Variants in DNAH12 observed in about 807,000 individuals in gnomAD.
DNAH12 encodes axonemal beta dynein heavy chain 12.
Under a neutral mutation model 371.5 loss-of-function variants are expected in DNAH12, and 285 were observed. The observed-to-expected ratio is 0.77, with a 90% CI of 0.70 to 0.85. The LOEUF is 0.85. Among genes scored for constraint, DNAH12 ranks in the 40% least tolerant of loss-of-function variants. DNAH12 has a pLI of 0.00. For missense variants in DNAH12, 3,611 were observed against 3,689.4 expected, an observed-to-expected ratio of 0.98 and a Z score of 0.55; for synonymous variants, 1,200 against 1,213.0, an observed-to-expected ratio of 0.99 and a Z score of 0.22.
intron 69 of DNAH12, among the ~76,000 whole-genome samples, chr3:57,302,328 G>A (rs1255828525): frequency 6.6e-6 from 1 of 151,614 alleles, no homozygotes; most frequent in Non-Finnish European, 1.5e-5. Context: ...AACACTGCAT[G>A]AAAACATAAA....
At chr3:57,369,742 ATAT>A (rs2063131023) in intron 55 of DNAH12, among the ~76,000 whole-genome samples, 1 of 152,302 alleles carries the variant, frequency 6.6e-6, no homozygotes, top group East Asian at 1.9e-4. Flanking sequence ...GTTTAAAGAG[ATAT>A]TATTTTCTTC....
At chr3:57,362,105 C>T (rs1387376323) in intron 58 of DNAH12, among the ~76,000 whole-genome samples, 2 of 150,454 alleles carry the variant, frequency 1.3e-5, no homozygotes, top group African/African-American at 4.9e-5. Flanking sequence ...TGAGTAAGAA[C>T]ATGCAGTGTT....
intron 2 of DNAH12, among the ~76,000 whole-genome samples, chr3:57,535,612 G>A (rs901208676): frequency 1.1e-4 from 17 of 151,822 alleles, no homozygotes; most frequent in Admixed American, 4.6e-4. Context: ...GCATGATCTC[G>A]GCTCACCACA....
intron 11 of DNAH12, among the ~76,000 whole-genome samples, chr3:57,497,769 T>C (rs151173133): frequency 3.3e-5 from 5 of 152,232 alleles, no homozygotes; most frequent in East Asian, 3.9e-4. Context: ...AAGAAAAAAA[T>C]TGATAGACTA....
intron 60 of DNAH12, among the ~76,000 whole-genome samples, chr3:57,347,990 A>G (rs1435620836): frequency 6.6e-6 from 1 of 152,196 alleles, no homozygotes; most frequent in Non-Finnish European, 1.5e-5. Flanking sequence ...TACTCTTACC[A>G]TACAATCCAG....
intron 66 of DNAH12, among the ~76,000 whole-genome samples, chr3:57,312,049 T>C (rs1452667680): frequency 6.6e-6 from 1 of 152,180 alleles, no homozygotes; most frequent in Admixed American, 6.5e-5. Context: ...CAGGAATTTT[T>C]GATAGTATGT....
chr3:57,377,663 C>G (rs985698444), intron 52 of DNAH12, among the ~76,000 whole-genome samples: 40 of 151,854 alleles, frequency 2.6e-4, no homozygotes, highest in Non-Finnish European at 5.2e-4. Flanking sequence ...TTACATCTGC[C>G]TTGCCAGGAT....
chr3:57,382,206 T>C (rs1395743690), intron 50 of DNAH12, 56 bp downstream of exon 50: 2 of 152,178 alleles, frequency 1.3e-5, no homozygotes, highest in Non-Finnish European at 2.9e-5. Flanking sequence ...TAATAGTTGC[T>C]GCTGACAAGT....
chr3:57,338,137 C>G (rs550201830), intron 60 of DNAH12, among the ~76,000 whole-genome samples: 1 of 152,304 alleles, frequency 6.6e-6, no homozygotes, highest in Admixed American at 6.5e-5. Context: ...CTCGGCCTGC[C>G]GAGTGCCTGG....
chr3:57,539,994 T>G (rs2069205928), intron 2 of DNAH12, among the ~76,000 whole-genome samples: 2 of 152,142 alleles, frequency 1.3e-5, no homozygotes, highest in African/African-American at 4.8e-5. Flanking sequence ...ATATTTACTA[T>G]CTGTTTCCTC....
intron 4 of DNAH12, among the ~76,000 whole-genome samples, chr3:57,516,456 C>G (rs543006463): frequency 2.3e-4 from 35 of 152,246 alleles, no homozygotes; most frequent in African/African-American, 8.4e-4. Flanking sequence ...AATTGGTCCT[C>G]TCCCTACTCC....
chr3:57,307,862 A>C (rs2061504071), intron 69 of DNAH12, among the ~76,000 whole-genome samples: 1 of 152,098 alleles, frequency 6.6e-6, no homozygotes, highest in Non-Finnish European at 1.5e-5. Flanking sequence ...TGGTTTACTG[A>C]TGGCAGTTCC....
intron 39 of DNAH12, among the ~76,000 whole-genome samples, chr3:57,413,085 C>T (rs564005649): frequency 2.0e-5 from 3 of 152,228 alleles, no homozygotes; most frequent in African/African-American, 7.2e-5. Context: ...GTTAACCAGA[C>T]AACTGAATGT....
chr3:57,406,944 G>A (rs191380285), intron 40 of DNAH12, among the ~76,000 whole-genome samples: 3 of 152,034 alleles, frequency 2.0e-5, no homozygotes, highest in East Asian at 1.9e-4. Context: ...CTGTCGCCCC[G>A]CTGGAGTGCA....
chr3:57,405,539 G>T (rs1265544373), intron 41 of DNAH12, 114 bp downstream of exon 41: 39 of 1,202,986 alleles, frequency 3.2e-5, no homozygotes, highest in Non-Finnish European at 4.2e-5. Context: ...CTATTTACAA[G>T]GAATGCTAAA....
rs575825646 is a variant in DNAH12 at position 57,428,714 on chromosome 3, T to C, written c.5172A>G (p.Glu1724=). The change falls in exon 34 of 74, where the codon GAA becomes GAG. Residue 1724 remains glutamate, a synonymous_variant. Transcript: ENST00000495027. ...WLNSLKGPLC[E]PEYQALLRGL... is the part of the protein sequence containing the mutation. ...CTCTCAGAAGAGCTTGATATTCTGG[T>C]TCACACAGAGGTCCTTTCAGTGAAT... 1 of 1,551,518 alleles carries C rather than the reference T, an allele frequency of 6.4e-7. No homozygotes were observed. The highest frequency in any genetic ancestry group is 1.2e-5 in the South Asian group (1 of 84,004).
rs1330489961 is a variant in DNAH12, at chr3:57,433,246, T to A, written c.4980+121A>T. Reference sequence around the variant, plus strand: ...TTGAAAAGAGAATTTATAAACCTACTCAACTTGCTGCATCCTTTATTTTTG... The same window carrying A: ...TTGAAAAGAGAATTTATAAACCTACACAACTTGCTGCATCCTTTATTTTTG... On this transcript the variant is annotated intron_variant, in intron 32 of 73. Coordinates refer to ENST00000495027, the MANE Select transcript of DNAH12 (RefSeq NM_001366028.2). The A allele has an allele frequency of 4.2e-6, 5 of 1,203,598 alleles. No homozygotes were observed. The East Asian group carries it at 1.4e-4, about 34-fold the overall frequency. 74.6% of individuals were successfully genotyped at this position (1,203,598 alleles called of 1,614,324 possible).
intron 4 of DNAH12, chr3:57,519,879 G>A (rs2068345462): frequency 1.4e-5 from 13 of 946,666 alleles, no homozygotes; most frequent in Non-Finnish European, 2.1e-5. Flanking sequence ...CTCACTCCAC[G>A]GCCCAGCTCC....
chr3:57,420,753 C>CA (rs371824129), intron 36 of DNAH12, among the ~76,000 whole-genome samples: 251 of 151,658 alleles, frequency 1.7e-3, no homozygotes, highest in African/African-American at 5.6e-3. Context: ...ACTAAAAATG[C>CA]AAAAAATCAG....
Sources: gnomAD v4.1 joint callset for allele counts (sites outside exome capture counted in the v4.1 genomes callset) on GRCh38, gnomAD v4.1.1 for gene constraint, MANE v1.5 for transcripts, NCBI Gene and HGNC (gene_info 2026-07-23, HGNC 2026-07-21) for gene names.